ANKRD12: variants seen among roughly 807,000 people sequenced by gnomAD.
ANKRD12 encodes the protein ankyrin repeat domain-containing protein 12.
ANKRD12 carries 85 observed loss-of-function variants against 183.4 expected under a neutral mutation model. The ratio of observed to expected loss-of-function variants is 0.46; its 90% CI spans 0.39 to 0.56. The LOEUF (loss-of-function observed/expected upper bound fraction) is 0.56. Ranked by LOEUF, ANKRD12 falls within the 20% of genes least tolerant of loss-of-function variation. The pLI is 0.00. For synonymous variants in ANKRD12, 914 were observed against 800.2 expected, an observed-to-expected ratio of 1.14 and a Z score of -2.40; for missense variants, 2,405 against 2,357.1, an observed-to-expected ratio of 1.02 and a Z score of -0.42.
At chr18:9,210,371 T>A (rs1306992993) in intron 5 of ANKRD12, among the ~76,000 whole-genome samples, 2 of 152,114 alleles carry the variant, frequency 1.3e-5, no homozygotes, top group African/African-American at 4.8e-5. Context: ...TTTGGGAGTG[T>A]AAATTTCTAG....
intron 8 of ANKRD12, among the ~76,000 whole-genome samples, chr18:9,232,649 A>G (rs924272744): frequency 3.3e-5 from 5 of 152,172 alleles, no homozygotes; most frequent in Non-Finnish European, 7.3e-5. Context: ...GAATGTCTGA[A>G]TCTCTTGCTA....
chr18:9,264,265 C>T (rs16954905), intron 10 of ANKRD12, among the ~76,000 whole-genome samples: 11,178 of 152,228 alleles, frequency 0.073, 422 homozygotes, highest in African/African-American at 0.082. Flanking sequence ...GCTTATTTGT[C>T]CACGTAGGTC....
intron 1 of ANKRD12, among the ~76,000 whole-genome samples, chr18:9,181,666 A>G (rs2033708623): frequency 6.6e-6 from 1 of 152,234 alleles, no homozygotes; most frequent in South Asian, 2.1e-4. Flanking sequence ...TCTGACAGCA[A>G]CATAGGTGTA....
rs145318784 is a variant in ANKRD12 at position 9,265,991 on chromosome 18, C to T, written c.5763+2103C>T. ...TGACGAATGCACAAGCTTCAGTAGC[C>T]GATTTGATCAGCTGGAAGAAAAGGT... On this transcript the variant is annotated intron_variant, in intron 10 of 12. Transcript: ENST00000262126. 6.2e-3 allele frequency among the ~76,000 whole-genome samples: 950 copies of T among 152,164 alleles called. 10 individuals are homozygous for T. Among genetic ancestry groups the T allele is most frequent in the African/African-American group, 0.021 (890 of 41,506 alleles).
At chr18:9,252,889 A>G (rs1054830086) in intron 8 of ANKRD12, among the ~76,000 whole-genome samples, 1 of 152,232 alleles carries the variant, frequency 6.6e-6, no homozygotes, top group African/African-American at 2.4e-5. Context: ...TCAGTTTTGG[A>G]TTAAAGGATC....
intron 4 of ANKRD12, among the ~76,000 whole-genome samples, chr18:9,206,666 C>A (rs1301374932): frequency 6.6e-6 from 1 of 151,948 alleles, no homozygotes; most frequent in African/African-American, 2.4e-5. Flanking sequence ...GCATCTGATT[C>A]GAATTTTGTT....
At chr18:9,238,462 T>C (rs1011395248) in intron 8 of ANKRD12, among the ~76,000 whole-genome samples, 4 of 152,202 alleles carry the variant, frequency 2.6e-5, no homozygotes, top group Non-Finnish European at 2.9e-5. Context: ...AAAATCAGCA[T>C]ACCCCCACCA....
Position 9,281,193 on chromosome 18 carries a change from G to A in ANKRD12, c.*67G>A, listed in dbSNP as rs2040094501. On this transcript the variant is annotated 3_prime_UTR_variant, in exon 13 of 13. Coordinates refer to ENST00000262126, the MANE Select transcript of ANKRD12 (RefSeq NM_015208.5). ...CTCAAGCATTATACTGTGGAATACTGCCTTTTGACAAAAATACTCATGCCT... is the reference window on the plus strand; with the variant it reads ...CTCAAGCATTATACTGTGGAATACTACCTTTTGACAAAAATACTCATGCCT... The A allele has an allele frequency of 7.4e-7, 1 of 1,343,674 alleles. No homozygotes were observed. Among genetic ancestry groups the A allele is most frequent in the Non-Finnish European group, 1.0e-6 (1 of 986,244 alleles). The allele number at this position is 1,343,674 out of a possible 1,614,324, so 83.2% of individuals were successfully genotyped here.
At chr18:9,138,418 C>A (rs952344585) in intron 1 of ANKRD12, among the ~76,000 whole-genome samples, 1 of 152,200 alleles carries the variant, frequency 6.6e-6, no homozygotes, top group African/African-American at 2.4e-5. Flanking sequence ...GAAGCCGAGG[C>A]AGGGGAATCG....
In ANKRD12 at chr18:9,255,045, A is replaced by G. The variant is rs777709848; in HGVS notation, c.1778A>G (p.Glu593Gly). ...YDNTESEFLPESSSVKSCKHK... is the reference protein window; with the variant it reads ...YDNTESEFLPGSSSVKSCKHK... Reference sequence around the variant, plus strand: ...AATACAGAATCTGAATTCTTGCCAGAAAGTTCAAGTGTAAAATCTTGTAAG... The same window carrying G: ...AATACAGAATCTGAATTCTTGCCAGGAAGTTCAAGTGTAAAATCTTGTAAG... Residue 593 changes from glutamate (E) to glycine (G), a missense_variant, in exon 9 of 13, where the codon GAA (glutamate) becomes GGA (glycine). Around this residue, in one of 7 missense-constraint regions of ANKRD12, gnomAD observed 1,983 missense variants for 1,725.9 expected, o/e 1.15. Coordinates refer to ENST00000262126, the MANE Select transcript of ANKRD12 (RefSeq NM_015208.5). The G allele has an allele frequency of 2.5e-6, 4 of 1,594,048 alleles. No homozygotes were observed. In the Admixed American group the frequency reaches 5.4e-5, roughly 22 times the overall value.
chr18:9,236,235 A>T (rs555718377), intron 8 of ANKRD12, among the ~76,000 whole-genome samples: 32 of 152,316 alleles, frequency 2.1e-4, no homozygotes, highest in African/African-American at 7.0e-4. Context: ...CTATAGAAAA[A>T]ATTGTGAAGG....
At chr18:9,247,530 C>T (rs2038034335) in intron 8 of ANKRD12, among the ~76,000 whole-genome samples, 1 of 152,088 alleles carries the variant, frequency 6.6e-6, no homozygotes, top group Non-Finnish European at 1.5e-5. Context: ...ATTAAGTGTA[C>T]TACAATATTA....
At chr18:9,201,466 T>C (rs1396383596) in intron 3 of ANKRD12, among the ~76,000 whole-genome samples, 1 of 152,218 alleles carries the variant, frequency 6.6e-6, no homozygotes, top group African/African-American at 2.4e-5. Flanking sequence ...TAAGACATCT[T>C]TGCAGATTGT....
intron 1 of ANKRD12, among the ~76,000 whole-genome samples, chr18:9,170,402 T>G (rs1477576472): frequency 6.6e-6 from 1 of 152,198 alleles, no homozygotes; most frequent in African/African-American, 2.4e-5. Context: ...CTTGGAGGTT[T>G]TGTTTGTTTC....
chr18:9,236,928 G>C (rs982183405), intron 8 of ANKRD12, among the ~76,000 whole-genome samples: 5 of 152,164 alleles, frequency 3.3e-5, no homozygotes, highest in Non-Finnish European at 7.4e-5. Flanking sequence ...CTGGAAGATA[G>C]ACTACTGAGA....
intron 1 of ANKRD12, among the ~76,000 whole-genome samples, chr18:9,179,716 A>T (rs1356363832): frequency 6.6e-6 from 1 of 152,078 alleles, no homozygotes; most frequent in Non-Finnish European, 1.5e-5. Flanking sequence ...GTGTTTCGCC[A>T]TGTTGTCCTC....
chr18:9,208,135 C>T (rs2035588701), intron 4 of ANKRD12, among the ~76,000 whole-genome samples: 1 of 152,108 alleles, frequency 6.6e-6, no homozygotes. Flanking sequence ...TATCCTATGA[C>T]TGGAATAAAA....
At chr18:9,236,737 G>A (rs1037360980) in intron 8 of ANKRD12, among the ~76,000 whole-genome samples, 2 of 152,112 alleles carry the variant, frequency 1.3e-5, no homozygotes, top group Admixed American at 1.3e-4. Context: ...AATAATAGAA[G>A]AAAATTTTTC....
In ANKRD12 at chr18:9,166,984, C is replaced by G. The variant is rs2032138925; in HGVS notation, c.-51-15398C>G. ...TTTATTAAATAGGGAATCCTTTCCC[C>G]ATTGCTTGTTTTTCTCAGGTTTGTC... On this transcript the variant is annotated intron_variant, in intron 1 of 12. Transcript: ENST00000262126. 1.3e-5 allele frequency among the ~76,000 whole-genome samples: 2 copies of G among 152,148 alleles called. 1 individual carries two copies. Among genetic ancestry groups the G allele is most frequent in the South Asian group, 4.1e-4 (2 of 4,830 alleles).
Sources: gnomAD v4.1 joint callset for allele counts (sites outside exome capture counted in the v4.1 genomes callset) on GRCh38, gnomAD v4.1.1 for gene constraint, gnomAD v4.1.1 regional missense constraint, MANE v1.5 for transcripts, NCBI Gene and HGNC (gene_info 2026-07-23, HGNC 2026-07-21) for gene names.